The following PCDHA5 variants were observed in gnomAD, a reference collection of about 807,000 sequenced individuals.
The protein encoded by PCDHA5 is protocadherin alpha-5.
Under a neutral mutation model 61.6 loss-of-function variants are expected in PCDHA5, and 43 were observed. The ratio of observed to expected loss-of-function variants is 0.70; its 90% CI spans 0.55 to 0.90. The LOEUF (loss-of-function observed/expected upper bound fraction) is 0.90, where lower values mean the gene tolerates loss of function less well. Among genes scored for constraint, PCDHA5 ranks in the 40% least tolerant of loss-of-function variants. PCDHA5 has a pLI of 0.00. For synonymous variants in PCDHA5, 627 were observed against 543.9 expected, an observed-to-expected ratio of 1.15 and a Z score of -2.13; for missense variants, 1,298 against 1,222.7, an observed-to-expected ratio of 1.06 and a Z score of -0.92.
rs77098340 is a variant in PCDHA5 at position 140,895,412 on chromosome 5, C to T, written c.2352+71285C>T. 8.0e-3 allele frequency among the ~76,000 whole-genome samples: 1,218 copies of T among 152,216 alleles called. 6 individuals carry two copies. Among genetic ancestry groups the T allele is most frequent in the African/African-American group, 0.019 (785 of 41,528 alleles). On this transcript the variant is annotated intron_variant, in intron 1 of 3. Coordinates refer to ENST00000529859, the MANE Select transcript of PCDHA5 (RefSeq NM_018908.3). The stretch of plus-strand genomic sequence containing the variant: ...CTCAACACCATCAAAAGCCCCATAA[C>T]CTTCTTTTGCTTCCTCCTGAGACTC...
intron 1 of PCDHA5, chr5:140,836,055 G>C: frequency 1.2e-6 from 2 of 1,613,604 alleles, no homozygotes; most frequent in Non-Finnish European, 1.7e-6. Context: ...CGTGCTGGAC[G>C]AGAACGACAA....
intron 3 of PCDHA5, among the ~76,000 whole-genome samples, chr5:140,982,904 T>G (rs1353983952): frequency 1.3e-5 from 2 of 151,900 alleles, no homozygotes; most frequent in African/African-American, 4.8e-5. Context: ...GGTGGCCTTA[T>G]GCACAGAGAT....
At chr5:140,935,203 A>G (rs1403808889) in intron 1 of PCDHA5, among the ~76,000 whole-genome samples, 1 of 152,160 alleles carries the variant, frequency 6.6e-6, no homozygotes, top group Non-Finnish European at 1.5e-5. Flanking sequence ...GTTTCTAGGT[A>G]TCTTCAGCTA....
chr5:141,009,760 A>T lies in PCDHA5; in HGVS notation c.2634A>T (p.Gly878=), dbSNP rs782167920. The change falls in exon 4 of 4, where the codon GGA becomes GGT. Residue 878 remains glycine, a synonymous_variant. Transcript: ENST00000529859. ...TGCCCGACAAATTCATTATCCCAGG[A>T]TCTCCTGCAATCATCTCCATCCGGC... ...GELPDKFIIP[G]SPAIISIRQE... is the part of the protein sequence containing the mutation. 1.9e-6 allele frequency: 3 copies of T among 1,614,130 alleles called. No individual in the cohort carries two copies. Among genetic ancestry groups the T allele is most frequent in the Admixed American group, 3.3e-5 (2 of 60,020 alleles).
chr5:140,902,526 T>C (rs1388582391), intron 1 of PCDHA5, among the ~76,000 whole-genome samples: 1 of 152,140 alleles, frequency 6.6e-6, no homozygotes, highest in African/African-American at 2.4e-5. Flanking sequence ...GTTTTTATTA[T>C]GTTGAGGTAT....
chr5:140,850,725 G>A, intron 1 of PCDHA5: 1 of 1,597,982 alleles, frequency 6.3e-7, no homozygotes. Context: ...GTGTTCTAGC[G>A]CGGTGGGGAG....
At chr5:140,872,425 G>A (rs1280008446) in intron 1 of PCDHA5, among the ~76,000 whole-genome samples, 3 of 151,980 alleles carry the variant, frequency 2.0e-5, no homozygotes, top group African/African-American at 7.3e-5. Flanking sequence ...CCAAGAGTTC[G>A]AGGCCTGCCT....
intron 1 of PCDHA5, chr5:140,828,588 C>A: frequency 6.2e-7 from 1 of 1,614,210 alleles, no homozygotes; most frequent in South Asian, 1.1e-5. Context: ...GGCTCAAATT[C>A]CATCTTAACC....
chr5:140,898,765 G>C (rs1336398509), intron 1 of PCDHA5, among the ~76,000 whole-genome samples: 1 of 151,640 alleles, frequency 6.6e-6, no homozygotes, highest in African/African-American at 2.4e-5. Context: ...CATTGAATCT[G>C]TAAATTACCT....
At chr5:140,969,037 C>A (rs1554231375) in intron 1 of PCDHA5, 6 of 1,614,158 alleles carry the variant, frequency 3.7e-6, no homozygotes, top group Non-Finnish European at 5.1e-6. Flanking sequence ...CAGAACTGTA[C>A]AAACAAGCCA....
chr5:140,846,891 T>A (rs1554141528), intron 1 of PCDHA5, among the ~76,000 whole-genome samples: 1 of 149,346 alleles, frequency 6.7e-6, no homozygotes, highest in Non-Finnish European at 1.5e-5. Flanking sequence ...CAGAATGACG[T>A]TGAAGTTGAA....
chr5:140,984,964 G>C (rs930753325), intron 3 of PCDHA5, among the ~76,000 whole-genome samples: 1 of 151,818 alleles, frequency 6.6e-6, no homozygotes, highest in Non-Finnish European at 1.5e-5. Context: ...TTGAGACAGA[G>C]TCTCGCTCTG....
chr5:140,869,287 C>T, intron 1 of PCDHA5: 1 of 1,613,538 alleles, frequency 6.2e-7, no homozygotes, highest in Non-Finnish European at 8.5e-7. Context: ...GCTGGTGCAG[C>T]GCCTGTTCCG....
intron 1 of PCDHA5, chr5:140,864,380 A>C (rs1581715525): frequency 6.6e-6 from 1 of 152,354 alleles, no homozygotes; most frequent in East Asian, 1.9e-4. Flanking sequence ...CGATAAGTTT[A>C]TCTCTCACAA....
intron 3 of PCDHA5, among the ~76,000 whole-genome samples, chr5:140,999,739 T>C (rs2097873545): frequency 6.6e-6 from 1 of 152,196 alleles, no homozygotes; most frequent in Admixed American, 6.5e-5. Flanking sequence ...AATGTTTGAA[T>C]CTGGGTTCGC....
chr5:140,834,191 T>G, intron 1 of PCDHA5: 1 of 586,888 alleles, frequency 1.7e-6, no homozygotes, highest in South Asian at 2.5e-5. Context: ...ATGATGTCGC[T>G]CTTTACCGCA....
Position 140,823,949 on chromosome 5 carries a change from A to C in PCDHA5, c.2174A>C (p.Gln725Pro), listed in dbSNP as rs2150130667. The change falls in exon 1 of 4, where the codon CAG (glutamine) becomes CCG (proline). Residue 725 changes from glutamine (Q) to proline (P), a missense_variant. By Grantham distance (76) the Gln-to-Pro change is moderately conservative (BLOSUM62 -1). Transcript: ENST00000529859. ...LLYTALRCSA[Q>P]PTEAVCTRGK... ...TACACCGCGCTGCGGTGCTCGGCGC[A>C]GCCCACCGAGGCCGTGTGCACACGG... is the stretch of plus-strand genomic sequence containing the variant. 3 of 1,613,920 alleles carry C rather than the reference A, an allele frequency of 1.9e-6. No individual in the cohort carries two copies. The Admixed American group carries it at 5.0e-5, about 27-fold the overall frequency.
rs79336587 is a variant in PCDHA5 at position 140,997,550 on chromosome 5, C to T, written c.2501-12077C>T. Reference sequence around the variant, plus strand: ...ATAAAAATACATTATTATAATCTTACAGGACAACTGTCATATGTGTGGTCC... The same window carrying T: ...ATAAAAATACATTATTATAATCTTATAGGACAACTGTCATATGTGTGGTCC... On this transcript the variant is annotated intron_variant, in intron 3 of 3. Coordinates refer to ENST00000529859, the MANE Select transcript of PCDHA5 (RefSeq NM_018908.3). Among the ~76,000 whole-genome samples, 1,283 of 152,208 alleles carry T rather than the reference C, an allele frequency of 8.4e-3. 21 individuals carry two copies. The highest frequency in any genetic ancestry group is 0.029 in the African/African-American group (1,211 of 41,522).
intron 1 of PCDHA5, chr5:140,966,789 C>G (rs782194817): frequency 6.5e-7 from 1 of 1,528,572 alleles, no homozygotes; most frequent in East Asian, 2.4e-5. Context: ...GGCACCAGAC[C>G]TGCGGCGACA....
Sources: gnomAD v4.1 joint callset for allele counts (sites outside exome capture counted in the v4.1 genomes callset) on GRCh38, gnomAD v4.1.1 for gene constraint, MANE v1.5 for transcripts, NCBI Gene and HGNC (gene_info 2026-07-23, HGNC 2026-07-21) for gene names.